Variants in NPAS3 observed in about 807,000 individuals in gnomAD.
NPAS3 encodes neuronal PAS domain-containing protein 3.
In NPAS3, 14 loss-of-function variants were observed where a neutral mutation model predicts 73.1. The ratio of observed to expected loss-of-function variants is 0.19; its 90% CI spans 0.13 to 0.30. NPAS3 has a LOEUF of 0.30. Among genes scored for constraint, NPAS3 ranks in the 10% least tolerant of loss-of-function variants. NPAS3 has a pLI of 1.00. For synonymous variants in NPAS3, 620 were observed against 541.5 expected, an observed-to-expected ratio of 1.14 and a Z score of -2.01; for missense variants, 1,096 against 1,250.0, an observed-to-expected ratio of 0.88 and a Z score of 1.86.
At chr14:33,299,047 C>T (rs2042418779) in intron 3 of NPAS3, among the ~76,000 whole-genome samples, 1 of 152,136 alleles carries the variant, frequency 6.6e-6, no homozygotes, top group Admixed American at 6.5e-5. Context: ...GTGACAGGTC[C>T]ATTTGCACGC....
In NPAS3 at chr14:33,163,751, A is replaced by G. The variant is rs1225971726; in HGVS notation, c.141-51431A>G. Among the ~76,000 whole-genome samples the G allele has an allele frequency of 6.6e-5, 10 of 151,790 alleles. 1 individual carries two copies. The highest frequency in any genetic ancestry group is 6.6e-4 in the Admixed American group (10 of 15,198). On this transcript the variant is annotated intron_variant, in intron 2 of 11. Transcript: ENST00000356141. ...CTTGGAAAAAAGGCTAGTTTAAGTA[A>G]TGTGCCAATTCTGCTGATGGGCTTA...
intron 2 of NPAS3, among the ~76,000 whole-genome samples, chr14:33,062,493 C>G (rs147475167): frequency 6.6e-6 from 1 of 152,024 alleles, no homozygotes; most frequent in Non-Finnish European, 1.5e-5. Flanking sequence ...TCAAGATAAA[C>G]GAATGCCAGA....
At chr14:33,284,770 ATCTATCTATCTATCTATCTATCTATC>A (rs999834392) in intron 3 of NPAS3, among the ~76,000 whole-genome samples, 6 of 16,264 alleles carry the variant, frequency 3.7e-4, no homozygotes, top group Non-Finnish European at 4.9e-4. Context: ...ATCTATATCT[ATCTATCTATCTATCTATCTATCTATC>A]TATCTATCTA....
intron 3 of NPAS3, among the ~76,000 whole-genome samples, chr14:33,272,253 A>G (rs914169178): frequency 2.0e-5 from 3 of 152,190 alleles, no homozygotes; most frequent in African/African-American, 7.2e-5. Flanking sequence ...TTTCTTCCAC[A>G]AAGAACACCA....
intron 5 of NPAS3, among the ~76,000 whole-genome samples, chr14:33,563,459 T>G (rs989888004): frequency 6.6e-6 from 1 of 151,128 alleles, no homozygotes; most frequent in East Asian, 1.9e-4. Flanking sequence ...AATGAGTGAA[T>G]GATGATGATT....
chr14:33,800,529 C>CCGT lies in NPAS3; in HGVS notation c.2225_2227dup (p.Val742dup). 1 of 1,380,962 alleles carries CCGT rather than the reference C, an allele frequency of 7.2e-7. No homozygotes were observed. Among genetic ancestry groups the CCGT allele is most frequent in the East Asian group, 3.2e-5 (1 of 31,694 alleles). 85.5% of individuals were successfully genotyped at this position (1,380,962 alleles called of 1,614,324 possible). On this transcript the variant is annotated inframe_insertion, in exon 12 of 12. Transcript: ENST00000356141. This position sits in a 1 kb window ranked among gnomAD's most constrained non-coding sequence, Gnocchi z 6.5. ...GCCTCGGCCACCGCGGCCCTGGCCC[C>CCGT]CGTCGCCTCCGACCCGCTGTCACCC...
chr14:33,607,497 T>TG (rs1281581426), intron 5 of NPAS3, among the ~76,000 whole-genome samples: 1 of 152,022 alleles, frequency 6.6e-6, no homozygotes, highest in Non-Finnish European at 1.5e-5. Flanking sequence ...AGTAGTTGTC[T>TG]GGGGATGGCA....
At chr14:33,181,480 A>G (rs2045798717) in intron 2 of NPAS3, among the ~76,000 whole-genome samples, 1 of 152,180 alleles carries the variant, frequency 6.6e-6, no homozygotes, top group African/African-American at 2.4e-5. Flanking sequence ...CTCCCATGTG[A>G]TAATTTACTG....
At chr14:33,134,354 C>T (rs755169496) in intron 2 of NPAS3, among the ~76,000 whole-genome samples, 5 of 152,060 alleles carry the variant, frequency 3.3e-5, no homozygotes, top group Non-Finnish European at 7.4e-5. Flanking sequence ...TGGCTTTTGA[C>T]ACTGTCAACG....
intron 5 of NPAS3, among the ~76,000 whole-genome samples, chr14:33,575,639 A>T (rs1222502664): frequency 6.6e-6 from 1 of 152,174 alleles, no homozygotes; most frequent in African/African-American, 2.4e-5. Flanking sequence ...AAGAGAAATG[A>T]TTTGTTTGCT....
At chr14:33,729,271 T>C in intron 6 of NPAS3, among the ~76,000 whole-genome samples, 1 of 152,160 alleles carries the variant, frequency 6.6e-6, no homozygotes, top group East Asian at 1.9e-4. Context: ...ATTCAACCAG[T>C]TATGGACACG....
intron 5 of NPAS3, among the ~76,000 whole-genome samples, chr14:33,636,350 C>T (rs1352512695): frequency 1.3e-5 from 2 of 152,216 alleles, no homozygotes; most frequent in Middle Eastern, 3.2e-3. Flanking sequence ...TAAAGGCTCA[C>T]GCTAGCATCT....
chr14:33,613,264 A>G (rs911225617), intron 5 of NPAS3, among the ~76,000 whole-genome samples: 1 of 152,112 alleles, frequency 6.6e-6, no homozygotes, highest in Non-Finnish European at 1.5e-5. Context: ...TTTAGAATCT[A>G]TGGAACTGGA....
At chr14:33,503,790 T>C (rs2052629653) in intron 4 of NPAS3, among the ~76,000 whole-genome samples, 1 of 152,014 alleles carries the variant, frequency 6.6e-6, no homozygotes, top group African/African-American at 2.4e-5. Flanking sequence ...CGAATCTTTT[T>C]CCTACATTGC....
chr14:33,738,853 G>A (rs773964854), intron 7 of NPAS3, among the ~76,000 whole-genome samples: 1 of 152,148 alleles, frequency 6.6e-6, no homozygotes, highest in Non-Finnish European at 1.5e-5. Context: ...TCTTGATTAG[G>A]TCTATGTCTG....
At chr14:33,529,395 T>G (rs997292358) in intron 4 of NPAS3, among the ~76,000 whole-genome samples, 1 of 152,082 alleles carries the variant, frequency 6.6e-6, no homozygotes, top group Non-Finnish European at 1.5e-5. Context: ...ACAGTGGATT[T>G]TTCCTGAGCA....
At chr14:33,448,718 C>G (rs1221557726) in intron 4 of NPAS3, among the ~76,000 whole-genome samples, 4 of 152,128 alleles carry the variant, frequency 2.6e-5, no homozygotes, top group Admixed American at 6.5e-5. Flanking sequence ...CATCTGGATC[C>G]ACGATGAAAA....
intron 2 of NPAS3, among the ~76,000 whole-genome samples, chr14:33,071,451 C>T (rs1316799844): frequency 6.6e-6 from 1 of 152,228 alleles, no homozygotes; most frequent in East Asian, 1.9e-4. Flanking sequence ...TTAATTGAGA[C>T]TTTTAATCAT....
chr14:33,273,202 G>C (rs2041176555), intron 3 of NPAS3, among the ~76,000 whole-genome samples: 1 of 152,102 alleles, frequency 6.6e-6, no homozygotes, highest in Admixed American at 6.5e-5. Context: ...CAGACTCACT[G>C]TCTCCCACTG....
Sources: allele counts gnomAD v4.1 joint callset (sites outside exome capture counted in the v4.1 genomes callset), GRCh38; gene constraint gnomAD v4.1.1; non-coding constraint Gnocchi (gnomAD v3.1); transcripts MANE v1.5; gene names NCBI Gene and HGNC (gene_info 2026-07-23, HGNC 2026-07-21).